The following ST18 variants were observed in gnomAD, a reference collection of about 807,000 sequenced individuals.
ST18 encodes suppression of tumorigenicity 18 protein.
In ST18, 50 loss-of-function variants were observed where a neutral mutation model predicts 110.0. That is an observed-to-expected ratio of 0.45 (90% CI 0.36 to 0.58). The LOEUF (loss-of-function observed/expected upper bound fraction) is 0.58. Ranked by LOEUF, ST18 falls within the 20% of genes least tolerant of loss-of-function variation. The pLI, the probability that ST18 is intolerant of heterozygous loss-of-function variation, is 0.00. For synonymous variants in ST18, 461 were observed against 452.4 expected, an observed-to-expected ratio of 1.02 and a Z score of -0.24; for missense variants, 1,306 against 1,280.1, an observed-to-expected ratio of 1.02 and a Z score of -0.31.
Position 52,187,822 on chromosome 8 carries a change from CTGAGT to C in ST18, c.87-7515_87-7511del, listed in dbSNP as rs532622672. On this transcript the variant is annotated intron_variant, in intron 8 of 25. Coordinates refer to ENST00000689386, the MANE Select transcript of ST18 (RefSeq NM_001352837.2). The stretch of plus-strand genomic sequence containing the variant: ...CAATACATAAATTAAAGAACCATGT[CTGAGT>C]TAATTTGCATTTCTATACCACATTT... 3.4e-3 allele frequency among the ~76,000 whole-genome samples: 525 copies of C among 152,290 alleles called. 3 individuals carry two copies. Among genetic ancestry groups the C allele is most frequent in the Middle Eastern group, 0.024 (7 of 294 alleles).
intron 2 of ST18, among the ~76,000 whole-genome samples, chr8:52,332,827 G>T (rs958920835): frequency 2.6e-5 from 4 of 151,846 alleles, no homozygotes; most frequent in African/African-American, 4.8e-5. Context: ...TTCCAGCCTG[G>T]GCAACAGAGC....
chr8:52,286,477 A>T (rs2095473491), intron 2 of ST18, among the ~76,000 whole-genome samples: 1 of 152,154 alleles, frequency 6.6e-6, no homozygotes, highest in Non-Finnish European at 1.5e-5. Flanking sequence ...GATGCTTTTC[A>T]AGCTGTCTGT....
intron 2 of ST18, among the ~76,000 whole-genome samples, chr8:52,352,583 C>T (rs574622905): frequency 6.6e-6 from 1 of 152,214 alleles, no homozygotes; most frequent in Non-Finnish European, 1.5e-5. Flanking sequence ...GGCTGTTTTC[C>T]AGGTGAATAT....
intron 2 of ST18, among the ~76,000 whole-genome samples, chr8:52,336,843 C>T (rs887333782): frequency 3.3e-4 from 51 of 152,242 alleles, no homozygotes; most frequent in African/African-American, 1.2e-3. Flanking sequence ...GACACTCCAG[C>T]GTGGTGTACG....
intron 3 of ST18, 128 bp from the exon 4 acceptor site, chr8:52,221,921 A>AG (rs1479840177): frequency 6.6e-6 from 1 of 151,942 alleles, no homozygotes; most frequent in Admixed American, 6.6e-5. Context: ...AAAAAAAAAA[A>AG]ACGGCTTTCT....
At position 52,349,297 on chromosome 8, in the gene ST18, C is replaced by T. The variant is rs538538106; in HGVS notation, c.-465+60031G>A. On this transcript the variant is annotated intron_variant, in intron 2 of 25. Coordinates refer to ENST00000689386, the MANE Select transcript of ST18 (RefSeq NM_001352837.2). ...GTAAAGCTGCCATAACTGTCCTGAACTGCCAACCTTCTAACCTTCGTGTGA... is the reference window on the plus strand; with the variant it reads ...GTAAAGCTGCCATAACTGTCCTGAATTGCCAACCTTCTAACCTTCGTGTGA... Among the ~76,000 whole-genome samples, 5 of 152,206 alleles carry T rather than the reference C, an allele frequency of 3.3e-5. No homozygotes were observed. The South Asian group carries it at 1.0e-3, about 32-fold the overall frequency.
At chr8:52,383,966 T>C (rs753177119) in intron 2 of ST18, among the ~76,000 whole-genome samples, 15 of 152,046 alleles carry the variant, frequency 9.9e-5, no homozygotes, top group Non-Finnish European at 2.2e-4. Context: ...CAGGCCGATC[T>C]CAAACTCCTG....
At chr8:52,213,511 A>G (rs527957553) in intron 7 of ST18, among the ~76,000 whole-genome samples, 2 of 152,280 alleles carry the variant, frequency 1.3e-5, no homozygotes, top group Admixed American at 1.3e-4. Context: ...GGCTGTGGCG[A>G]ACCTAGAGTT....
chr8:52,378,787 ATT>A (rs1297899210), intron 2 of ST18, among the ~76,000 whole-genome samples: 3 of 152,256 alleles, frequency 2.0e-5, no homozygotes, highest in African/African-American at 7.2e-5. Context: ...TTAAAATGTT[ATT>A]TTCCCATTCA....
chr8:52,264,268 G>A (rs1348216479), intron 2 of ST18, among the ~76,000 whole-genome samples: 1 of 152,184 alleles, frequency 6.6e-6, no homozygotes, highest in Admixed American at 6.5e-5. Flanking sequence ...TGATACCCAT[G>A]TGGAAATTAT....
intron 22 of ST18, 107 bp from the exon 23 acceptor site, chr8:52,126,247 T>A: frequency 9.3e-7 from 1 of 1,072,458 alleles, no homozygotes; most frequent in Non-Finnish European, 1.4e-6. Flanking sequence ...GCCGATTAAT[T>A]ACATTATAAC....
intron 2 of ST18, among the ~76,000 whole-genome samples, chr8:52,299,759 A>C (rs1158892211): frequency 6.6e-6 from 1 of 152,212 alleles, no homozygotes; most frequent in Admixed American, 6.5e-5. Flanking sequence ...CAACCGCATA[A>C]GTGGTATGAA....
At chr8:52,327,675 G>C (rs1807115080) in intron 2 of ST18, among the ~76,000 whole-genome samples, 1 of 152,180 alleles carries the variant, frequency 6.6e-6, no homozygotes. Flanking sequence ...TGCAGAAGCA[G>C]GGCTCCCTCT....
intron 8 of ST18, among the ~76,000 whole-genome samples, chr8:52,186,892 G>A (rs1020980078): frequency 3.3e-5 from 5 of 152,172 alleles, no homozygotes; most frequent in African/African-American, 1.2e-4. Flanking sequence ...GCTGTGGGAG[G>A]TATGAAGGAA....
At chr8:52,146,354 CT>C in intron 16 of ST18, among the ~76,000 whole-genome samples, 1 of 152,196 alleles carries the variant, frequency 6.6e-6, no homozygotes, top group Non-Finnish European at 1.5e-5. Context: ...ACCTTGCCAC[CT>C]GCCATTTCTT....
intron 14 of ST18, among the ~76,000 whole-genome samples, chr8:52,160,133 C>A (rs899795509): frequency 2.6e-5 from 4 of 152,100 alleles, no homozygotes; most frequent in African/African-American, 2.4e-5. Flanking sequence ...TATTAACTAG[C>A]TTCGCTGGAA....
chr8:52,161,308 C>T (rs2061396058), intron 14 of ST18, 67 bp downstream of exon 14: 1 of 1,524,912 alleles, frequency 6.6e-7, no homozygotes, highest in Non-Finnish European at 8.9e-7. Context: ...CCCCTGGCCC[C>T]CAGTACACAC....
chr8:52,237,507 G>A (rs921421221), intron 2 of ST18, among the ~76,000 whole-genome samples: 7 of 152,162 alleles, frequency 4.6e-5, no homozygotes, highest in Non-Finnish European at 7.4e-5. Context: ...GTGCTTGCCT[G>A]GGGTCACACA....
chr8:52,271,519 C>T (rs1478415006), intron 2 of ST18, among the ~76,000 whole-genome samples: 1 of 152,186 alleles, frequency 6.6e-6, no homozygotes, highest in Non-Finnish European at 1.5e-5. Flanking sequence ...ATCATGAAAT[C>T]TAAGGTTTTT....
Sources: allele counts gnomAD v4.1 joint callset (sites outside exome capture counted in the v4.1 genomes callset), GRCh38; gene constraint gnomAD v4.1.1; transcripts MANE v1.5; gene names NCBI Gene and HGNC (gene_info 2026-07-23, HGNC 2026-07-21).